MTAP: variants seen among roughly 807,000 people sequenced by gnomAD.
The protein encoded by MTAP is methylthioadenosine phosphorylase.
Under a neutral mutation model 33.6 loss-of-function variants are expected in MTAP, and 33 were observed. That is an observed-to-expected ratio of 0.98 (90% CI 0.74 to 1.31). The LOEUF (loss-of-function observed/expected upper bound fraction) is 1.31. MTAP is among the 40% of genes most tolerant of loss of function. The probability of loss-of-function intolerance (pLI) is 0.00; values close to 1 mark genes in which losing one functional copy is unlikely to be tolerated. For missense variants in MTAP, 367 were observed against 360.0 expected, an observed-to-expected ratio of 1.02 and a Z score of -0.16; for synonymous variants, 148 against 125.7, an observed-to-expected ratio of 1.18 and a Z score of -1.19.
intron 1 of MTAP, among the ~76,000 whole-genome samples, chr9:21,894,440 A>G (rs1454897198): frequency 2.0e-5 from 3 of 151,976 alleles, no homozygotes; most frequent in Non-Finnish European, 2.9e-5. Flanking sequence ...AGGTTTCCAA[A>G]TAGAAAAAAA....
intron 1 of MTAP, among the ~76,000 whole-genome samples, chr9:21,884,787 G>A (rs532697081): frequency 6.6e-6 from 1 of 152,222 alleles, no homozygotes; most frequent in South Asian, 2.1e-4. Flanking sequence ...GAGGGTTAGG[G>A]TTTCAACATA....
At chr9:21,935,542 T>G (rs1243341838), downstream of MTAP, 1 of 152,082 alleles carries the variant, frequency 6.6e-6, no homozygotes, top group African/African-American at 2.4e-5. Flanking sequence ...TCACATCCCC[T>G]GGGCATGGAT....
intron 1 of MTAP, among the ~76,000 whole-genome samples, chr9:21,874,699 T>C (rs1280259436): frequency 1.3e-5 from 2 of 151,846 alleles, no homozygotes; most frequent in Non-Finnish European, 2.9e-5. Flanking sequence ...TTTTTCTTTT[T>C]TTTTTTTTTT....
intron 4 of MTAP, among the ~76,000 whole-genome samples, chr9:21,831,619 C>T (rs533748941): frequency 6.6e-6 from 1 of 152,268 alleles, no homozygotes; most frequent in East Asian, 1.9e-4. Flanking sequence ...TGAGCCACTG[C>T]ACCCAGCTAC....
At chr9:21,836,814 G>A (rs1379662219) in intron 4 of MTAP, among the ~76,000 whole-genome samples, 4 of 152,168 alleles carry the variant, frequency 2.6e-5, no homozygotes, top group Non-Finnish European at 5.9e-5. Context: ...CTTGGTGCCA[G>A]CTAATGCCAC....
At chr9:21,827,985 A>G (rs1824864889) in intron 4 of MTAP, among the ~76,000 whole-genome samples, 1 of 152,236 alleles carries the variant, frequency 6.6e-6, no homozygotes, top group Non-Finnish European at 1.5e-5. Flanking sequence ...CTGTTACTTA[A>G]ACAGTATGAC....
chr9:21,884,675 C>G (rs966834901), intron 1 of MTAP, among the ~76,000 whole-genome samples: 1 of 152,110 alleles, frequency 6.6e-6, no homozygotes, highest in African/African-American at 2.4e-5. Context: ...GTTTCTTTCT[C>G]TTCTTATAAG....
At chr9:21,837,881 A>C in intron 4 of MTAP, 27 bp from the exon 5 acceptor site, 2 of 1,599,278 alleles carry the variant, frequency 1.3e-6, no homozygotes, top group Non-Finnish European at 8.6e-7. Flanking sequence ...TAAAACAAAC[A>C]AAAACCTTTT....
At chr9:21,843,763 G>A (rs997277632) in intron 5 of MTAP, among the ~76,000 whole-genome samples, 1 of 152,170 alleles carries the variant, frequency 6.6e-6, no homozygotes, top group Non-Finnish European at 1.5e-5. Flanking sequence ...TAATGGGAAA[G>A]TTCATAGCAT....
intron 1 of MTAP, among the ~76,000 whole-genome samples, chr9:21,924,724 C>G (rs1258213344): frequency 1.3e-5 from 2 of 151,754 alleles, no homozygotes; most frequent in Non-Finnish European, 3.0e-5. Context: ...GGCCCTGGAG[C>G]CTTCCCTTCC....
intron 4 of MTAP, among the ~76,000 whole-genome samples, chr9:21,827,571 A>G (rs1277482118): frequency 6.6e-6 from 1 of 152,218 alleles, no homozygotes; most frequent in Non-Finnish European, 1.5e-5. Flanking sequence ...TTCTCACCCC[A>G]AGTTATGTCC....
At chr9:21,905,616 G>C (rs971982204) in intron 1 of MTAP, among the ~76,000 whole-genome samples, 1 of 149,134 alleles carries the variant, frequency 6.7e-6, no homozygotes, top group Non-Finnish European at 1.5e-5. Context: ...TAAGTGCATA[G>C]GTGAGAGTTC....
At chr9:21,859,532 TG>T (rs1332588711) in intron 7 of MTAP, 107 bp downstream of exon 7, 2 of 1,322,942 alleles carry the variant, frequency 1.5e-6, no homozygotes, top group Non-Finnish European at 2.0e-6. Context: ...CCAGCCTAGA[TG>T]TTTTCAACAA....
chr9:21,819,094 T>G (rs61268824), intron 4 of MTAP, among the ~76,000 whole-genome samples: 1 of 152,112 alleles, frequency 6.6e-6, no homozygotes, highest in African/African-American at 2.4e-5. Flanking sequence ...GCGTTCTCTT[T>G]TAAGGCTAAA....
At chr9:21,806,048 G>A (rs567254731) in intron 1 of MTAP, among the ~76,000 whole-genome samples, 2 of 152,150 alleles carry the variant, frequency 1.3e-5, no homozygotes, top group East Asian at 1.9e-4. Context: ...TGTAGACCGC[G>A]ATCAAGAATT....
At chr9:21,806,312 C>T (rs1824206407) in intron 1 of MTAP, among the ~76,000 whole-genome samples, 1 of 151,850 alleles carries the variant, frequency 6.6e-6, no homozygotes, top group Non-Finnish European at 1.5e-5. Context: ...GTGGGGAGTG[C>T]AGGAAGAAGA....
intron 4 of MTAP, among the ~76,000 whole-genome samples, chr9:21,826,803 G>A (rs1824821900): frequency 6.6e-6 from 1 of 152,046 alleles, no homozygotes; most frequent in Admixed American, 6.6e-5. Flanking sequence ...CACCCCTGTG[G>A]CTTGTTAGGA....
At chr9:21,868,982 C>T (rs565071024), downstream of MTAP, among the ~76,000 whole-genome samples, 119 of 152,232 alleles carry the variant, frequency 7.8e-4, no homozygotes, top group Non-Finnish European at 1.4e-3. Flanking sequence ...ATAGATGTTT[C>T]TCCCTGATCA....
At chr9:21,927,217 C>T (rs969925460) in intron 1 of MTAP, among the ~76,000 whole-genome samples, 1 of 152,274 alleles carries the variant, frequency 6.6e-6, no homozygotes, top group East Asian at 1.9e-4. Context: ...CATCAAATGT[C>T]CTATAGGTTA....
Sources: allele counts gnomAD v4.1 joint callset (sites outside exome capture counted in the v4.1 genomes callset), GRCh38; gene constraint gnomAD v4.1.1; transcripts MANE v1.5; gene names NCBI Gene and HGNC (gene_info 2026-07-23, HGNC 2026-07-21).